Variants in PPFIA1 observed in about 807,000 individuals in gnomAD.
PPFIA1 encodes the protein liprin-alpha-1.
A neutral mutation model predicts 149.9 loss-of-function variants in PPFIA1; 25 were observed. The ratio of observed to expected loss-of-function variants is 0.17; its 90% CI spans 0.12 to 0.23. The LOEUF is 0.23. Among genes scored for constraint, PPFIA1 ranks in the 10% least tolerant of loss-of-function variants. The probability of loss-of-function intolerance (pLI) is 1.00; values close to 1 mark genes in which losing one functional copy is unlikely to be tolerated. For missense variants in PPFIA1, 1,362 were observed against 1,506.5 expected (o/e 0.90, Z 1.59); for synonymous variants, 549 against 552.8 (o/e 0.99, Z 0.10).
intron 2 of PPFIA1, among the ~76,000 whole-genome samples, chr11:70,274,582 C>T (rs753102023): frequency 1.3e-5 from 2 of 152,222 alleles, no homozygotes; most frequent in East Asian, 3.8e-4. Flanking sequence ...GCAGCTTGCT[C>T]ATTCTCACCT....
At chr11:70,368,179 A>G (rs951873558) in intron 21 of PPFIA1, among the ~76,000 whole-genome samples, 2 of 152,190 alleles carry the variant, frequency 1.3e-5, no homozygotes, top group African/African-American at 4.8e-5. Flanking sequence ...GGTAAGGTTT[A>G]GAAGAGTGAA....
chr11:70,335,759 C>T (rs2054933764), intron 11 of PPFIA1, 65 bp downstream of exon 11: 2 of 1,569,002 alleles, frequency 1.3e-6, no homozygotes, highest in East Asian at 4.5e-5. Flanking sequence ...GCTCATCTGC[C>T]CCTGAGCAGG....
chr11:70,295,533 G>C (rs2051892754), intron 2 of PPFIA1, among the ~76,000 whole-genome samples: 1 of 138,146 alleles, frequency 7.2e-6, no homozygotes, highest in African/African-American at 2.8e-5. Flanking sequence ...CTCCCTCCCG[G>C]ACGGGGCGGC....
rs1006297102 is a variant in PPFIA1, at chr11:70,376,505, T to A, written c.3316-27T>A. 3 of 1,593,568 alleles carry A rather than the reference T, an allele frequency of 1.9e-6. No homozygotes were observed. In the African/African-American group the frequency reaches 4.0e-5, roughly 21 times the overall value. ...CTTCAAATTAGATTTGATGAAAGTT[T>A]TATTTGTTTTTCTTTGGTTATTTCA... On this transcript the variant is annotated intron_variant, in intron 24 of 27. Transcript: ENST00000253925.
intron 2 of PPFIA1, among the ~76,000 whole-genome samples, chr11:70,288,800 A>T (rs1475130516): frequency 6.6e-6 from 1 of 151,948 alleles, no homozygotes; most frequent in Non-Finnish European, 1.5e-5. Context: ...TGAGTGCTTC[A>T]TTGCTTTCTG....
At chr11:70,373,292 A>G (rs2057351621) in intron 23 of PPFIA1, 1 of 152,298 alleles carries the variant, frequency 6.6e-6, no homozygotes, top group Non-Finnish European at 1.5e-5. Flanking sequence ...CAGTGGTGTG[A>G]TCACAGCTCA....
At chr11:70,315,833 C>T (rs2053587496) in intron 2 of PPFIA1, among the ~76,000 whole-genome samples, 1 of 151,804 alleles carries the variant, frequency 6.6e-6, no homozygotes, top group Admixed American at 6.6e-5. Context: ...CCTCATCTTC[C>T]CAAACCGAAA....
chr11:70,365,869 C>T (rs189675892), intron 21 of PPFIA1: 2 of 446,798 alleles, frequency 4.5e-6, no homozygotes, highest in East Asian at 7.0e-5. Context: ...TGCAGAGTTG[C>T]GTTGCCTGCA....
At chr11:70,343,048 A>G (rs2055448079) in intron 14 of PPFIA1, among the ~76,000 whole-genome samples, 1 of 146,768 alleles carries the variant, frequency 6.8e-6, no homozygotes, top group Non-Finnish European at 1.5e-5. Context: ...CCCAGGTTCA[A>G]GCAATTCTCC....
At chr11:70,340,093 C>T (rs2055224188) in intron 14 of PPFIA1, among the ~76,000 whole-genome samples, 1 of 151,134 alleles carries the variant, frequency 6.6e-6, no homozygotes, top group Non-Finnish European at 1.5e-5. Flanking sequence ...AAGCCAGGAG[C>T]TTGAGACCAG....
chr11:70,295,354 G>A (rs1175646653), intron 2 of PPFIA1, among the ~76,000 whole-genome samples: 1 of 146,546 alleles, frequency 6.8e-6, no homozygotes, highest in African/African-American at 2.5e-5. Context: ...CCTCCCTCCC[G>A]GATGGGGCGG....
intron 2 of PPFIA1, among the ~76,000 whole-genome samples, chr11:70,288,026 A>C (rs1443033215): frequency 6.6e-6 from 1 of 151,022 alleles, no homozygotes; most frequent in Admixed American, 6.6e-5. Context: ...CTGGGGCTCA[A>C]CATCTCTCAC....
At chr11:70,291,173 A>T (rs1182747388) in intron 2 of PPFIA1, among the ~76,000 whole-genome samples, 1 of 152,216 alleles carries the variant, frequency 6.6e-6, no homozygotes, top group Non-Finnish European at 1.5e-5. Context: ...GGCGTGAGCC[A>T]CCACGCCCAG....
intron 23 of PPFIA1, among the ~76,000 whole-genome samples, 156 bp downstream of exon 23, chr11:70,372,730 G>C (rs556725727): frequency 6.6e-6 from 1 of 152,226 alleles, no homozygotes; most frequent in African/African-American, 2.4e-5. Flanking sequence ...GCTGGATGAA[G>C]TTGAGTGCTT....
chr11:70,307,857 T>C (rs1450293144), intron 2 of PPFIA1, among the ~76,000 whole-genome samples: 1 of 152,168 alleles, frequency 6.6e-6, no homozygotes, highest in South Asian at 2.1e-4. Context: ...GTATGGGTGT[T>C]CAGGGCTCCA....
At chr11:70,378,296 C>G in intron 26 of PPFIA1, 101 bp downstream of exon 26, 4 of 1,439,660 alleles carry the variant, frequency 2.8e-6, no homozygotes, top group Non-Finnish European at 3.7e-6. Context: ...TAATATGTTA[C>G]AAGGCACTTG....
At chr11:70,354,263 C>A in intron 16 of PPFIA1, 38 bp from the exon 17 acceptor site, 1 of 1,573,700 alleles carries the variant, frequency 6.4e-7, no homozygotes, top group Non-Finnish European at 8.6e-7. Flanking sequence ...TTTTCACAGT[C>A]TGCTGTTAAC....
At chr11:70,296,425 A>G (rs1190590294) in intron 2 of PPFIA1, among the ~76,000 whole-genome samples, 2 of 152,172 alleles carry the variant, frequency 1.3e-5, no homozygotes, top group Admixed American at 6.5e-5. Context: ...ACTGTCTGCA[A>G]TCCCAGCACC....
chr11:70,328,135 G>T (rs1034524866), intron 7 of PPFIA1, among the ~76,000 whole-genome samples: 18 of 151,928 alleles, frequency 1.2e-4, no homozygotes, highest in African/African-American at 4.3e-4. Flanking sequence ...TGTTACATAA[G>T]TAAACTTGTG....
Sources: allele counts gnomAD v4.1 joint callset (sites outside exome capture counted in the v4.1 genomes callset), GRCh38; gene constraint gnomAD v4.1.1; transcripts MANE v1.5; gene names NCBI Gene and HGNC (gene_info 2026-07-23, HGNC 2026-07-21).